ZNF248: variants seen among roughly 807,000 people sequenced by gnomAD.
ZNF248 encodes zinc finger protein 248.
In ZNF248, 20 loss-of-function variants were observed where a neutral mutation model predicts 44.3. That is an observed-to-expected ratio of 0.45 (90% confidence interval 0.32 to 0.66). The LOEUF is 0.66. ZNF248 is among the 30% of genes least tolerant of loss of function. ZNF248 has a pLI of 0.04. For missense variants in ZNF248, 654 were observed against 677.0 expected (o/e 0.97, Z 0.38); for synonymous variants, 224 against 229.0 (o/e 0.98, Z 0.20).
chr10:37,816,795 G>A (rs1203321352), intron 6 of ZNF248, among the ~76,000 whole-genome samples: 1 of 152,162 alleles, frequency 6.6e-6, no homozygotes, highest in East Asian at 1.9e-4. Flanking sequence ...TGCCCCAGAG[G>A]CTAAGGTGGA....
At chr10:37,805,123 T>C (rs1337137061) in intron 6 of ZNF248, among the ~76,000 whole-genome samples, 1 of 152,096 alleles carries the variant, frequency 6.6e-6, no homozygotes, top group Non-Finnish European at 1.5e-5. Context: ...CGGAGAGTGG[T>C]AGAAGTAATG....
intron 6 of ZNF248, among the ~76,000 whole-genome samples, chr10:37,781,355 G>A (rs545837452): frequency 5.3e-5 from 8 of 152,278 alleles, no homozygotes; most frequent in African/African-American, 1.9e-4. Context: ...TTGTTCCTGC[G>A]TCCAGGTCTT....
chr10:37,834,610 A>C (rs2056701695), intron 5 of ZNF248, among the ~76,000 whole-genome samples: 1 of 152,198 alleles, frequency 6.6e-6, no homozygotes, highest in South Asian at 2.1e-4. Flanking sequence ...AACCCTAAGC[A>C]ACCCTAAGCC....
the ZNF248 span, among the ~76,000 whole-genome samples, chr10:37,758,979 C>G: frequency 6.6e-6 from 1 of 152,128 alleles, no homozygotes; most frequent in African/African-American, 2.4e-5. Flanking sequence ...GAATGAGCTA[C>G]AGAGAGAATG....
chr10:37,817,991 C>A (rs1217309272), intron 6 of ZNF248, among the ~76,000 whole-genome samples: 8 of 152,126 alleles, frequency 5.3e-5, no homozygotes, highest in Admixed American at 5.2e-4. Context: ...TCTCGGCTCA[C>A]TGCAAGCTCC....
intron 5 of ZNF248, among the ~76,000 whole-genome samples, chr10:37,834,151 ATAATAG>A (rs1303452419): frequency 6.6e-6 from 1 of 152,160 alleles, no homozygotes; most frequent in Non-Finnish European, 1.5e-5. Context: ...ACAAAAACTA[ATAATAG>A]TAATAATAAT....
chr10:37,818,464 G>A (rs1448410011), intron 6 of ZNF248: 3 of 200,746 alleles, frequency 1.5e-5, no homozygotes, highest in East Asian at 2.6e-4. Flanking sequence ...ATGCTCAGTG[G>A]ATGGGAAAAA....
chr10:37,814,572 G>A (rs182882957), intron 6 of ZNF248, among the ~76,000 whole-genome samples: 1 of 152,276 alleles, frequency 6.6e-6, no homozygotes, highest in East Asian at 1.9e-4. Context: ...CAGGTCTACT[G>A]CTATCAGACT....
At chr10:37,764,657 T>A in the ZNF248 span, among the ~76,000 whole-genome samples, 1 of 152,108 alleles carries the variant, frequency 6.6e-6, no homozygotes. Context: ...CCTTTATTTC[T>A]CAGATAGGCC....
At chr10:37,804,977 T>C (rs2050356151) in intron 6 of ZNF248, among the ~76,000 whole-genome samples, 1 of 152,228 alleles carries the variant, frequency 6.6e-6, no homozygotes, top group African/African-American at 2.4e-5. Flanking sequence ...GAAGGAATCA[T>C]ATTATGTCAT....
intron 6 of ZNF248, chr10:37,820,027 G>A: frequency 1.3e-6 from 1 of 795,608 alleles, no homozygotes; most frequent in South Asian, 1.4e-5. Flanking sequence ...ACTTTTCTAT[G>A]AGGACTTTCT....
At chr10:37,791,119 T>A (rs1355534433) in intron 6 of ZNF248, among the ~76,000 whole-genome samples, 1 of 136,474 alleles carries the variant, frequency 7.3e-6, no homozygotes, top group Non-Finnish European at 1.5e-5. Context: ...AGTGGTGCGA[T>A]CTGAACCTGC....
At chr10:37,760,425 G>A in the ZNF248 span, among the ~76,000 whole-genome samples, 22 of 152,148 alleles carry the variant, frequency 1.4e-4, no homozygotes, top group Non-Finnish European at 2.8e-4. Flanking sequence ...CTTTCACTAT[G>A]CTGCCCAGGC....
chr10:37,812,173 T>G (rs2051619729), intron 6 of ZNF248, among the ~76,000 whole-genome samples: 1 of 151,796 alleles, frequency 6.6e-6, no homozygotes, highest in Admixed American at 6.6e-5. Flanking sequence ...GGAGGTCAAG[T>G]CTGCAGTGAG....
chr10:37,770,415 C>T, the ZNF248 span, among the ~76,000 whole-genome samples: 4 of 152,148 alleles, frequency 2.6e-5, no homozygotes, highest in East Asian at 1.9e-4. Context: ...GGTACTGGTA[C>T]CAAAACAGAT....
chr10:37,819,831 A>C (rs2053164313), intron 6 of ZNF248: 1 of 787,126 alleles, frequency 1.3e-6, no homozygotes, highest in African/African-American at 1.7e-5. Context: ...CGCTTTGCTA[A>C]CATTTTCCGT....
chr10:37,825,670 G>C (rs1166285948), downstream of ZNF248, among the ~76,000 whole-genome samples: 1 of 152,016 alleles, frequency 6.6e-6, no homozygotes, highest in African/African-American at 2.4e-5. Flanking sequence ...TGAACTCCTA[G>C]GCTCAAGCAT....
At chr10:37,810,257 T>C (rs547684821) in intron 6 of ZNF248, among the ~76,000 whole-genome samples, 5 of 152,364 alleles carry the variant, frequency 3.3e-5, no homozygotes, top group East Asian at 1.9e-4. Context: ...CTATCCATTA[T>C]TGGAACGACA....
At chr10:37,819,008 G>C in intron 6 of ZNF248, 1 of 902,804 alleles carries the variant, frequency 1.1e-6, no homozygotes, top group African/African-American at 1.6e-5. Context: ...ATAAGTGCCA[G>C]CACCTTGTGA....
Sources: allele counts gnomAD v4.1 joint callset (sites outside exome capture counted in the v4.1 genomes callset), GRCh38; gene constraint gnomAD v4.1.1; transcripts MANE v1.5; gene names NCBI Gene and HGNC (gene_info 2026-07-23, HGNC 2026-07-21).